SLC22A4: variants seen among roughly 807,000 people sequenced by gnomAD.
The protein encoded by SLC22A4 is solute carrier family 22 member 4, also known as ET transporter.
A neutral mutation model predicts 56.6 loss-of-function variants in SLC22A4; 39 were observed. The ratio of observed to expected loss-of-function variants is 0.69; its 90% CI spans 0.53 to 0.90. The LOEUF (loss-of-function observed/expected upper bound fraction) is 0.90. SLC22A4 is among the 40% of genes least tolerant of loss of function. The pLI is 0.00. For synonymous variants in SLC22A4, 241 were observed against 281.4 expected (o/e 0.86, Z 1.44); for missense variants, 594 against 696.5 (o/e 0.85, Z 1.66).
intron 1 of SLC22A4, among the ~76,000 whole-genome samples, chr5:132,299,525 G>A (rs78290647): frequency 6.6e-6 from 1 of 152,018 alleles, no homozygotes; most frequent in Non-Finnish European, 1.5e-5. Flanking sequence ...TGCCTCCTTG[G>A]TTCAAGCGAT....
At chr5:132,338,421 C>T (rs902388723) in intron 8 of SLC22A4, among the ~76,000 whole-genome samples, 3 of 152,104 alleles carry the variant, frequency 2.0e-5, no homozygotes, top group Non-Finnish European at 2.9e-5. Context: ...GTTTTGGGCA[C>T]GCATTGTCAT....
At chr5:132,302,137 C>G (rs2090406908) in intron 1 of SLC22A4, among the ~76,000 whole-genome samples, 2 of 152,226 alleles carry the variant, frequency 1.3e-5, no homozygotes, top group Non-Finnish European at 2.9e-5. Context: ...CTGTTTGCCT[C>G]TCTGCTGTGT....
Position 132,322,044 on chromosome 5 carries a change from TG to T in SLC22A4, c.653-139del, listed in dbSNP as rs1750556230. 5 of 765,058 alleles carry T rather than the reference TG, an allele frequency of 6.5e-6. No individual in the cohort carries two copies. In the South Asian group the frequency reaches 6.9e-5, roughly 11 times the overall value. 47.4% of individuals were successfully genotyped at this position (765,058 alleles called of 1,614,324 possible). ...GTCCCACCTTCCTCTACCCTGACCATGCCTGCTCTGGGCCATGAGGCAAATG... is the reference window on the plus strand; with the variant it reads ...GTCCCACCTTCCTCTACCCTGACCATCCTGCTCTGGGCCATGAGGCAAATG... On this transcript the variant is annotated intron_variant, in intron 3 of 9. Transcript: ENST00000200652.
intron 7 of SLC22A4, 74 bp downstream of exon 7, chr5:132,335,006 C>T: frequency 1.0e-6 from 1 of 1,001,150 alleles, no homozygotes; most frequent in Non-Finnish European, 1.6e-6. Flanking sequence ...TGAGTCACTG[C>T]TCCATGTTTA....
intron 8 of SLC22A4, among the ~76,000 whole-genome samples, chr5:132,340,229 T>C (rs1751171059): frequency 6.6e-6 from 1 of 151,676 alleles, no homozygotes; most frequent in Non-Finnish European, 1.5e-5. Context: ...TGTCCTCCCA[T>C]CCCCCATTTC....
chr5:132,324,387 C>G (rs1347354185), intron 4 of SLC22A4: 1 of 397,138 alleles, frequency 2.5e-6, no homozygotes, highest in Non-Finnish European at 5.2e-6. Context: ...TCCAGAGTTT[C>G]CAGCAGAGAA....
chr5:132,335,468 AG>A, intron 7 of SLC22A4, among the ~76,000 whole-genome samples: 2 of 152,344 alleles, frequency 1.3e-5, no homozygotes, highest in South Asian at 4.1e-4. Context: ...AATAAGAAAG[AG>A]GATAGAAAGG....
intron 3 of SLC22A4, among the ~76,000 whole-genome samples, chr5:132,318,996 C>G (rs1389870221): frequency 1.3e-5 from 2 of 152,132 alleles, no homozygotes; most frequent in Non-Finnish European, 2.9e-5. Flanking sequence ...TAGCATTACT[C>G]AGAGGGGTCT....
chr5:132,295,325 G>A, intron 1 of SLC22A4: 1 of 586,784 alleles, frequency 1.7e-6, no homozygotes, highest in South Asian at 1.5e-5. Flanking sequence ...GCAGCCCCAG[G>A]CTACCCAGAC....
At position 132,294,567 on chromosome 5, in the gene SLC22A4, G is replaced by A. The variant is rs749661215; in HGVS notation, c.-50G>A. On this transcript the variant is annotated 5_prime_UTR_variant, in exon 1 of 10. Transcript: ENST00000200652. The surrounding 1 kb of genome is among the most constrained non-coding windows in gnomAD (Gnocchi z 5.6). ...CCCCAGCTACAAGACACTGTCCTGA[G>A]AACGCTGTCATCACCCGTAGTTGCA... 1 of 1,613,526 alleles carries A rather than the reference G, an allele frequency of 6.2e-7. No individual in the cohort carries two copies. Among genetic ancestry groups the A allele is most frequent in the Non-Finnish European group, 8.5e-7 (1 of 1,179,890 alleles).
At chr5:132,302,457 T>C (rs139889551) in intron 1 of SLC22A4, among the ~76,000 whole-genome samples, 34 of 152,308 alleles carry the variant, frequency 2.2e-4, no homozygotes, top group Non-Finnish European at 4.6e-4. Context: ...TGTGGTTTTA[T>C]GCATGTCTCT....
At chr5:132,300,621 C>T (rs1279101295) in intron 1 of SLC22A4, among the ~76,000 whole-genome samples, 3 of 152,124 alleles carry the variant, frequency 2.0e-5, no homozygotes, top group African/African-American at 7.2e-5. Context: ...TAATGCTATC[C>T]ATCTTTATTT....
rs1453418889 is a variant in SLC22A4 at position 132,343,846 on chromosome 5, AC to A, written c.*15del. On this transcript the variant is annotated 3_prime_UTR_variant, in exon 10 of 10. Coordinates refer to ENST00000200652, the MANE Select transcript of SLC22A4 (RefSeq NM_003059.3). The stretch of plus-strand genomic sequence containing the variant: ...ATAACTGCATTCTGAAAAAATATCT[AC>A]CCCATTTGGTGAAGTGAAAAACAGA... 1.9e-6 allele frequency: 3 copies of A among 1,552,908 alleles called. No individual in the cohort carries two copies. Among genetic ancestry groups the A allele is most frequent in the African/African-American group, 1.4e-5 (1 of 73,486 alleles).
intron 1 of SLC22A4, among the ~76,000 whole-genome samples, chr5:132,307,645 C>T (rs555344234): frequency 1.3e-5 from 2 of 152,230 alleles, no homozygotes; most frequent in South Asian, 4.2e-4. Context: ...ATTTCCCATC[C>T]AATGCACACA....
At chr5:132,307,984 T>A (rs1329751909) in intron 1 of SLC22A4, among the ~76,000 whole-genome samples, 1 of 152,248 alleles carries the variant, frequency 6.6e-6, no homozygotes, top group East Asian at 1.9e-4. Context: ...TCCAGGCTGA[T>A]TTTCTATGAC....
chr5:132,312,850 G>T (rs183084642), intron 2 of SLC22A4, among the ~76,000 whole-genome samples: 1 of 152,150 alleles, frequency 6.6e-6, no homozygotes. Flanking sequence ...AGGAAGGTGG[G>T]GGTACTAAAT....
At chr5:132,340,500 G>A (rs2126744934) in intron 8 of SLC22A4, 65 bp from the exon 9 acceptor site, 1 of 1,476,268 alleles carries the variant, frequency 6.8e-7, no homozygotes, top group Non-Finnish European at 9.5e-7. Flanking sequence ...TTCACAAAAT[G>A]ATGCTCAAGA....
At chr5:132,328,247 C>A (rs531384987) in intron 5 of SLC22A4, among the ~76,000 whole-genome samples, 6 of 152,226 alleles carry the variant, frequency 3.9e-5, no homozygotes, top group African/African-American at 1.4e-4. Context: ...GCAGGGCATT[C>A]CTGTCTAGGA....
intron 1 of SLC22A4, among the ~76,000 whole-genome samples, chr5:132,297,509 GA>G (rs1412708584): frequency 6.6e-6 from 1 of 152,142 alleles, no homozygotes; most frequent in Non-Finnish European, 1.5e-5. Context: ...CCACCTGGCT[GA>G]CTCCAGGCAG....
Sources: allele counts gnomAD v4.1 joint callset (sites outside exome capture counted in the v4.1 genomes callset), GRCh38; gene constraint gnomAD v4.1.1; non-coding constraint Gnocchi (gnomAD v3.1); transcripts MANE v1.5; gene names NCBI Gene and HGNC (gene_info 2026-07-23, HGNC 2026-07-21).